The following PRIM1 variants were observed in gnomAD, a reference collection of about 807,000 sequenced individuals.
The protein encoded by PRIM1 is DNA primase subunit 1.
Under a neutral mutation model 60.2 loss-of-function variants are expected in PRIM1, and 38 were observed. The ratio of observed to expected loss-of-function variants is 0.63; its 90% CI spans 0.49 to 0.83. The LOEUF (loss-of-function observed/expected upper bound fraction) is 0.83, where lower values mean the gene tolerates loss of function less well. PRIM1 is among the 40% of genes least tolerant of loss of function. The probability of loss-of-function intolerance (pLI) is 0.00; values close to 1 mark genes in which losing one functional copy is unlikely to be tolerated. For missense variants in PRIM1, 388 were observed against 506.2 expected, an observed-to-expected ratio of 0.77 and a Z score of 2.24; for synonymous variants, 158 against 160.2, an observed-to-expected ratio of 0.99 and a Z score of 0.10.
intron 10 of PRIM1, among the ~76,000 whole-genome samples, chr12:56,738,794 C>T (rs778637411): frequency 3.3e-5 from 5 of 152,206 alleles, no homozygotes; most frequent in Admixed American, 6.6e-5. Flanking sequence ...TTGTGATCCA[C>T]GCGCTTTGCC....
rs1953904784 is a variant in PRIM1, at chr12:56,746,093, C to G, written c.531G>C (p.Leu177=). 1.2e-6 allele frequency: 2 copies of G among 1,613,420 alleles called. No homozygotes were observed. Among genetic ancestry groups the G allele is most frequent in the African/African-American group, 2.7e-5 (2 of 74,894 alleles). ...CWVCDESVRK[L]SSAVRSGIVE... is the part of the protein sequence containing the mutation. Reference sequence around the variant, plus strand: ...CTATCCCAGAACGTACTGCAGAAGACAGTTTTCTAACTGATTCATCACAGA... The same window carrying G: ...CTATCCCAGAACGTACTGCAGAAGAGAGTTTTCTAACTGATTCATCACAGA... The change falls in exon 5 of 13, where the codon CTG becomes CTC. Residue 177 remains leucine, a synonymous_variant. Coordinates refer to ENST00000338193, the MANE Select transcript of PRIM1 (RefSeq NM_000946.3).
intron 2 of PRIM1, among the ~76,000 whole-genome samples, 173 bp from the exon 3 acceptor site, chr12:56,747,205 G>A (rs768737776): frequency 3.2e-4 from 49 of 151,174 alleles, no homozygotes; most frequent in Non-Finnish European, 5.4e-4. Flanking sequence ...CTATTGATGA[G>A]AGTCTTAACT....
chr12:56,733,711 T>A (rs1953802167), intron 12 of PRIM1, among the ~76,000 whole-genome samples: 1 of 151,850 alleles, frequency 6.6e-6, no homozygotes, highest in Non-Finnish European at 1.5e-5. Flanking sequence ...TGTCTCGGCC[T>A]CCTGAGTAGC....
chr12:56,731,813 C>T, intron 12 of PRIM1, 79 bp from the exon 13 acceptor site: 1 of 1,170,718 alleles, frequency 8.5e-7, no homozygotes. Flanking sequence ...TTCTTTTTTG[C>T]CTAATGCTTC....
intron 2 of PRIM1, among the ~76,000 whole-genome samples, chr12:56,747,656 G>A (rs934280556): frequency 2.0e-5 from 3 of 152,184 alleles, no homozygotes; most frequent in African/African-American, 7.2e-5. Flanking sequence ...TGAAGCAGGA[G>A]TATCATTGAA....
intron 12 of PRIM1, 75 bp downstream of exon 12, chr12:56,734,072 C>A: frequency 1.0e-6 from 1 of 1,004,142 alleles, no homozygotes; most frequent in Non-Finnish European, 1.5e-6. Flanking sequence ...CAAAGAAAGA[C>A]TAGAACTCAA....
intron 4 of PRIM1, 80 bp downstream of exon 4, chr12:56,746,701 T>C: frequency 8.4e-7 from 1 of 1,191,522 alleles, no homozygotes; most frequent in Non-Finnish European, 1.2e-6. Flanking sequence ...GATCACAAAA[T>C]ACAGAGACTA....
intron 12 of PRIM1, among the ~76,000 whole-genome samples, chr12:56,733,945 C>T (rs1314796959): frequency 6.6e-6 from 1 of 152,108 alleles, no homozygotes; most frequent in Non-Finnish European, 1.5e-5. Flanking sequence ...CTTTGTCTCC[C>T]TTATAGACCT....
At chr12:56,752,107 C>T in intron 1 of PRIM1, 89 bp downstream of exon 1, 1 of 930,348 alleles carries the variant, frequency 1.1e-6, no homozygotes, top group African/African-American at 1.7e-5. Context: ...GCCTGGTGCA[C>T]AGAAGGCGCT....
chr12:56,750,738 T>C (rs1006748572), intron 2 of PRIM1, among the ~76,000 whole-genome samples: 2 of 152,084 alleles, frequency 1.3e-5, no homozygotes, highest in East Asian at 1.9e-4. Flanking sequence ...TACAGGCGCG[T>C]ACCACCACGC....
In PRIM1 at chr12:56,743,055, G is replaced by T. The variant is rs370690474; in HGVS notation, c.680C>A (p.Ala227Asp). Residue 227 changes from alanine to aspartate, a missense_variant, in exon 7 of 13, where the codon GCC (alanine) becomes GAC (aspartate). Transcript: ENST00000338193. ...TTCGAGAATATCTTGATTAACCAAG[G>T]CATATTCTTCAAAGTATTTTTTTAT... ...NIIKKYFEEY[A>D]LVNQDILENK... The T allele has an allele frequency of 5.9e-6, 9 of 1,532,478 alleles. No homozygotes were observed. The highest frequency in any genetic ancestry group is 2.8e-5 in the African/African-American group (2 of 71,606). The allele number at this position is 1,532,478 out of a possible 1,614,324, so 94.9% of individuals were successfully genotyped here. A position where few individuals can be genotyped will look rare whatever the true frequency, so the allele number is the denominator to read the frequency against.
rs1206435276 is a variant in PRIM1 at position 56,739,209 on chromosome 12, T to C, written c.1052+85A>G. On this transcript the variant is annotated intron_variant, in intron 10 of 12. Transcript: ENST00000338193. ...ACCAAATATACCATTCCCATGCAACTACTTCTCTAAGGAGGCTAATTCAAT... is the reference window on the plus strand; with the variant it reads ...ACCAAATATACCATTCCCATGCAACCACTTCTCTAAGGAGGCTAATTCAAT... 6 of 1,052,396 alleles carry C rather than the reference T, an allele frequency of 5.7e-6. No individual in the cohort carries two copies. In the African/African-American group the frequency reaches 6.4e-5, roughly 11 times the overall value. The allele number at this position is 1,052,396 out of a possible 1,614,324, so 65.2% of individuals were successfully genotyped here.
At chr12:56,743,712 G>C (rs562824224) in intron 6 of PRIM1, 27 of 188,874 alleles carry the variant, frequency 1.4e-4, no homozygotes, top group Non-Finnish European at 2.3e-4. Context: ...GAATTCAGTG[G>C]AAAAAGCATT....
At chr12:56,751,940 C>T (rs908122411) in intron 1 of PRIM1, 4 of 228,768 alleles carry the variant, frequency 1.7e-5, no homozygotes, top group East Asian at 8.6e-5. Context: ...TGAGCCTGAC[C>T]ACGCAGAGGT....
chr12:56,746,083 C>T lies in PRIM1; in HGVS notation c.541G>A (p.Val181Ile). The change falls in exon 5 of 13, where the codon GTA becomes ATA. Residue 181 changes from valine (V) to isoleucine (I), a missense_variant. Physicochemically the swap from Val to Ile is conservative, Grantham distance 29. This residue lies in a region of PRIM1 where 21 missense variants were observed against 52.5 expected (regional missense o/e 0.40). Transcript: ENST00000338193. Reference protein sequence around the residue: ...DESVRKLSSAVRSGIVEYLSL... With the variant: ...DESVRKLSSAIRSGIVEYLSL... ...AAATACTCAACTATCCCAGAACGTA[C>T]TGCAGAAGACAGTTTTCTAACTGAT... 1.2e-6 allele frequency: 2 copies of T among 1,613,188 alleles called. No homozygotes were observed. The highest frequency in any genetic ancestry group is 8.5e-7 in the Non-Finnish European group (1 of 1,179,642).
chr12:56,743,984 A>C, intron 6 of PRIM1, 81 bp downstream of exon 6: 1 of 1,001,702 alleles, frequency 1.0e-6, no homozygotes, highest in Non-Finnish European at 1.5e-6. Flanking sequence ...CCCAGCAGTG[A>C]AAATTGATAG....
intron 7 of PRIM1, 162 bp from the exon 8 acceptor site, chr12:56,741,999 T>G: frequency 2.8e-6 from 2 of 702,066 alleles, no homozygotes; most frequent in Non-Finnish European, 4.8e-6. Flanking sequence ...ATGCCTGTAC[T>G]CCCAGCACTT....
At position 56,751,998 on chromosome 12, in the gene PRIM1, G is replaced by T. The variant is rs183959417; in HGVS notation, c.103+198C>A. Among the ~76,000 whole-genome samples, 15 of 140,060 alleles carry T rather than the reference G, an allele frequency of 1.1e-4. No individual in the cohort carries two copies. In the East Asian group the frequency reaches 2.9e-3, roughly 27 times the overall value. The allele number at this position is 140,060 out of a possible 152,430, so 91.9% of individuals were successfully genotyped here. On this transcript the variant is annotated intron_variant, in intron 1 of 12. Transcript: ENST00000338193. Reference sequence around the variant, plus strand: ...TTTTTTTTTTTTTTTTTTTTACAGCGTGGCCGCAGGCTGGCTTATTATATC... The same window carrying T: ...TTTTTTTTTTTTTTTTTTTTACAGCTTGGCCGCAGGCTGGCTTATTATATC...
Position 56,752,292 on chromosome 12 carries a change from T to C in PRIM1, c.7A>G (p.Thr3Ala), listed in dbSNP as rs1377667966. METFDPTELPELL... is the reference protein window; with the variant it reads MEAFDPTELPELL... Reference sequence around the variant, plus strand: ...TCGGGCAGCTCGGTGGGGTCAAACGTCTCCATTGAGCGCGGAACTCGCCAC... The same window carrying C: ...TCGGGCAGCTCGGTGGGGTCAAACGCCTCCATTGAGCGCGGAACTCGCCAC... The change falls in exon 1 of 13, where the codon ACG becomes GCG. Residue 3 changes from threonine to alanine, a missense_variant. Thr to Ala is a moderately conservative substitution (Grantham distance 58, BLOSUM62 0). This residue lies in a region of PRIM1 where 156 missense variants were observed against 175.8 expected (regional missense o/e 0.89). Transcript: ENST00000338193. 5 of 1,578,090 alleles carry C rather than the reference T, an allele frequency of 3.2e-6. No homozygotes were observed. The highest frequency in any genetic ancestry group is 1.7e-4 in the Middle Eastern group (1 of 6,038).
Sources: allele counts gnomAD v4.1 joint callset (sites outside exome capture counted in the v4.1 genomes callset), GRCh38; gene constraint gnomAD v4.1.1; regional missense constraint gnomAD v4.1.1; transcripts MANE v1.5; gene names NCBI Gene and HGNC (gene_info 2026-07-23, HGNC 2026-07-21).